The following DOCK9 variants were observed in gnomAD, a reference collection of about 807,000 sequenced individuals.
The protein encoded by DOCK9 is dedicator of cytokinesis protein 9.
A neutral mutation model predicts 263.3 loss-of-function variants in DOCK9; 89 were observed. The ratio of observed to expected loss-of-function variants is 0.34; its 90% CI spans 0.28 to 0.40. The LOEUF is 0.40. Among genes scored for constraint, DOCK9 ranks in the 10% least tolerant of loss-of-function variants. DOCK9 has a pLI of 1.00. For synonymous variants in DOCK9, 976 were observed against 973.1 expected (o/e 1.00, Z -0.06); for missense variants, 2,140 against 2,603.4 (o/e 0.82, Z 3.87).
chr13:99,073,467 G>A (rs978313224), intron 1 of DOCK9, among the ~76,000 whole-genome samples: 19 of 150,170 alleles, frequency 1.3e-4, no homozygotes, highest in Non-Finnish European at 2.2e-4. Flanking sequence ...GCCTCGGGTC[G>A]ATTTCTATTG....
At chr13:98,941,370 T>C (rs547760572) in intron 2 of DOCK9, among the ~76,000 whole-genome samples, 2 of 152,252 alleles carry the variant, frequency 1.3e-5, no homozygotes, top group East Asian at 3.9e-4. Flanking sequence ...CTTTAGACAG[T>C]TCCTTTCACC....
chr13:99,010,016 G>C (rs1389080051), intron 1 of DOCK9, among the ~76,000 whole-genome samples: 1 of 151,756 alleles, frequency 6.6e-6, no homozygotes, highest in Admixed American at 6.6e-5. Context: ...AAAAAAAAGA[G>C]AGAGAAATAT....
chr13:99,084,813 A>C (rs1313652524), intron 1 of DOCK9, among the ~76,000 whole-genome samples: 1 of 152,240 alleles, frequency 6.6e-6, no homozygotes, highest in African/African-American at 2.4e-5. Flanking sequence ...AAAAGATGCC[A>C]AAGAAGTTGC....
chr13:98,871,514 A>T (rs1412967172), intron 27 of DOCK9, among the ~76,000 whole-genome samples: 1 of 152,242 alleles, frequency 6.6e-6, no homozygotes, highest in Non-Finnish European at 1.5e-5. Flanking sequence ...AACAAACTAA[A>T]GTCTTTTTAC....
chr13:98,930,202 G>T lies in DOCK9; in HGVS notation c.299C>A (p.Ala100Glu). The T allele has an allele frequency of 6.2e-7, 1 of 1,611,896 alleles. No homozygotes were observed. The highest frequency in any genetic ancestry group is 8.5e-7 in the Non-Finnish European group (1 of 1,179,028). ...AAACAAGCTCTGTGCTTCCTCTTCC[G>T]CCTTCGCAGGCACTGTTGAGCATAT... ...RYICSTVPAK[A>E]EEEAQSLFVT... is the part of the protein sequence containing the mutation. The change falls in exon 3 of 53, where the codon GCG becomes GAG. Residue 100 changes from alanine (A) to glutamate (E), a missense_variant. By Grantham distance (107) the Ala-to-Glu change is moderately radical. Transcript: ENST00000682017.
At chr13:99,060,425 A>C (rs2041136959) in intron 1 of DOCK9, among the ~76,000 whole-genome samples, 1 of 152,110 alleles carries the variant, frequency 6.6e-6, no homozygotes. Flanking sequence ...CTAAGAACAC[A>C]CAAGTACACA....
chr13:98,866,225 C>A (rs2094018255), intron 30 of DOCK9, among the ~76,000 whole-genome samples: 1 of 152,026 alleles, frequency 6.6e-6, no homozygotes, highest in Non-Finnish European at 1.5e-5. Flanking sequence ...TGTAGAATAG[C>A]CGGGGATTGT....
intron 35 of DOCK9, among the ~76,000 whole-genome samples, chr13:98,850,364 C>G (rs1054263099): frequency 1.3e-4 from 20 of 152,172 alleles, no homozygotes; most frequent in Admixed American, 6.5e-5. Flanking sequence ...GTGCTATATT[C>G]TGGCATAATG....
At chr13:98,816,176 A>G (rs1476121549) in intron 45 of DOCK9, among the ~76,000 whole-genome samples, 1 of 152,208 alleles carries the variant, frequency 6.6e-6, no homozygotes. Flanking sequence ...AAATTACTCA[A>G]TAGATTTTTA....
At chr13:98,804,971 G>C (rs369454900) in intron 49 of DOCK9, 28 bp downstream of exon 49, 1 of 1,572,424 alleles carries the variant, frequency 6.4e-7, no homozygotes, top group African/African-American at 1.4e-5. Flanking sequence ...GTCCGGGCTC[G>C]TGTCCATGCG....
chr13:99,026,076 C>CAAAAA (rs1219581602), intron 1 of DOCK9, among the ~76,000 whole-genome samples: 6 of 27,234 alleles, frequency 2.2e-4, no homozygotes, highest in African/African-American at 4.8e-4. Flanking sequence ...GACTCCGTCT[C>CAAAAA]AAAAAAAAAA....
intron 45 of DOCK9, among the ~76,000 whole-genome samples, chr13:98,816,655 G>A (rs541581083): frequency 2.0e-5 from 3 of 151,876 alleles, no homozygotes; most frequent in East Asian, 1.9e-4. Context: ...ACAAGGGAAG[G>A]TGAGGCATGG....
chr13:99,059,193 C>A (rs1422389272), intron 1 of DOCK9, among the ~76,000 whole-genome samples: 2 of 152,170 alleles, frequency 1.3e-5, no homozygotes, highest in Non-Finnish European at 2.9e-5. Context: ...TGTCTGCAGT[C>A]GAGTCCAAGA....
chr13:99,058,043 A>C (rs982730949), intron 1 of DOCK9, among the ~76,000 whole-genome samples: 3 of 152,148 alleles, frequency 2.0e-5, no homozygotes, highest in African/African-American at 7.2e-5. Flanking sequence ...GTATTTATAC[A>C]ATATCTCTCT....
chr13:98,911,458 A>T (rs1363319880), intron 9 of DOCK9, among the ~76,000 whole-genome samples: 3 of 152,216 alleles, frequency 2.0e-5, no homozygotes, highest in East Asian at 3.8e-4. Flanking sequence ...AAAGTAAATA[A>T]ATATACATAA....
At chr13:98,942,230 TTG>T (rs796637824) in intron 2 of DOCK9, among the ~76,000 whole-genome samples, 9,621 of 91,056 alleles carry the variant, frequency 0.11, 397 homozygotes, top group South Asian at 0.19. Context: ...GTTTTTTTTT[TTG>T]TTGTTTTTTT....
At chr13:98,979,180 A>ATAGTAGTAGTAGTAGTAG (rs56125832), upstream of DOCK9, among the ~76,000 whole-genome samples, 10 of 132,786 alleles carry the variant, frequency 7.5e-5, no homozygotes, top group African/African-American at 2.0e-4. Flanking sequence ...AGCAGCAGCA[A>ATAGTAGTAGTAGTAGTAG]TAGTAGTAGT....
chr13:98,924,597 C>T (rs7996442), intron 4 of DOCK9, among the ~76,000 whole-genome samples: 113,714 of 152,050 alleles, frequency 0.75, 42,923 homozygotes, highest in Middle Eastern at 0.9. Context: ...GGGGCAGATC[C>T]ATCATGAGAG....
chr13:98,910,820 C>T (rs2049880548), intron 9 of DOCK9, among the ~76,000 whole-genome samples: 1 of 152,130 alleles, frequency 6.6e-6, no homozygotes, highest in Non-Finnish European at 1.5e-5. Context: ...GACCTCTTTA[C>T]CTCTTCATAC....
Sources: allele counts gnomAD v4.1 joint callset (sites outside exome capture counted in the v4.1 genomes callset), GRCh38; gene constraint gnomAD v4.1.1; transcripts MANE v1.5; gene names NCBI Gene and HGNC (gene_info 2026-07-23, HGNC 2026-07-21).